Variants in UPB1 observed in about 807,000 individuals in gnomAD.
The protein encoded by UPB1 is beta-ureidopropionase.
A neutral mutation model predicts 49.1 loss-of-function variants in UPB1; 40 were observed. The observed-to-expected ratio is 0.81, with a 90% CI of 0.63 to 1.06. The LOEUF (loss-of-function observed/expected upper bound fraction) is 1.06, where lower values mean the gene tolerates loss of function less well. UPB1 is among the 50% of genes least tolerant of loss of function. The pLI is 0.00. For missense variants in UPB1, 499 were observed against 505.9 expected (o/e 0.99, Z 0.13); for synonymous variants, 207 against 198.2 (o/e 1.04, Z -0.38).
chr22:24,520,582 C>CTGG (rs1265349897), intron 7 of UPB1, 114 bp downstream of exon 7: 8 of 1,197,262 alleles, frequency 6.7e-6, no homozygotes, highest in Non-Finnish European at 9.6e-6. Context: ...AGGGGTAAAA[C>CTGG]TGGCTTGGTC....
chr22:24,511,612 A>ATTTTTTT (rs201206994), intron 4 of UPB1, among the ~76,000 whole-genome samples: 17 of 90,684 alleles, frequency 1.9e-4, no homozygotes, highest in African/African-American at 2.7e-4. Flanking sequence ...ATATATATAT[A>ATTTTTTT]TATATATTTT....
intron 5 of UPB1, 120 bp downstream of exon 5, chr22:24,513,605 C>G (rs1361494836): frequency 2.2e-6 from 3 of 1,378,840 alleles, no homozygotes; most frequent in East Asian, 5.0e-5. Flanking sequence ...GTCACGTACA[C>G]TCCACGGGAG....
intron 3 of UPB1, among the ~76,000 whole-genome samples, chr22:24,509,652 C>T (rs534148163): frequency 6.6e-6 from 1 of 152,304 alleles, no homozygotes; most frequent in East Asian, 1.9e-4. Flanking sequence ...AATGGAGCTC[C>T]TGCCACCCTG....
intron 1 of UPB1, among the ~76,000 whole-genome samples, chr22:24,496,416 C>CACACACACAT (rs1555883981): frequency 5.2e-4 from 76 of 144,790 alleles, no homozygotes; most frequent in African/African-American, 2.1e-3. Context: ...CACACACACA[C>CACACACACAT]ACACACACAC....
intron 4 of UPB1, 112 bp downstream of exon 4, chr22:24,510,955 G>C (rs747513156): frequency 7.3e-6 from 8 of 1,095,352 alleles, no homozygotes; most frequent in Non-Finnish European, 9.7e-6. Flanking sequence ...CCCATTTGGT[G>C]CTTGTTTTGC....
chr22:24,500,585 C>T (rs1244090634), intron 2 of UPB1, among the ~76,000 whole-genome samples: 3 of 152,232 alleles, frequency 2.0e-5, no homozygotes, highest in Admixed American at 6.5e-5. Flanking sequence ...GTGCTCTCCA[C>T]GGGACGCTGC....
At chr22:24,516,013 A>AC (rs1283973050) in intron 6 of UPB1, among the ~76,000 whole-genome samples, 1 of 151,706 alleles carries the variant, frequency 6.6e-6, no homozygotes, top group Admixed American at 6.6e-5. Context: ...ACAAAAAAGA[A>AC]CCCCCACATC....
intron 4 of UPB1, among the ~76,000 whole-genome samples, chr22:24,511,486 TC>T (rs1175487509): frequency 1.3e-5 from 2 of 152,030 alleles, no homozygotes; most frequent in Non-Finnish European, 2.9e-5. Context: ...TCTGTGAATA[TC>T]CTGAATACTA....
chr22:24,511,193 A>G (rs2044194477), intron 4 of UPB1, among the ~76,000 whole-genome samples: 1 of 152,202 alleles, frequency 6.6e-6, no homozygotes, highest in South Asian at 2.1e-4. Context: ...TGCATGCTCC[A>G]CTGCAGTTTG....
intron 2 of UPB1, 77 bp from the exon 3 acceptor site, chr22:24,502,048 CA>C: frequency 6.9e-7 from 1 of 1,459,028 alleles, no homozygotes; most frequent in Non-Finnish European, 9.6e-7. Flanking sequence ...TTGATTTTTC[CA>C]TATGCATTAG....
intron 1 of UPB1, among the ~76,000 whole-genome samples, chr22:24,495,903 T>G (rs924689217): frequency 7.9e-5 from 12 of 152,136 alleles, no homozygotes; most frequent in Non-Finnish European, 1.5e-4. Flanking sequence ...CCATCCTTCT[T>G]GCGGTGACCC....
chr22:24,518,441 T>C (rs1464862540), intron 6 of UPB1: 4 of 152,224 alleles, frequency 2.6e-5, no homozygotes, highest in African/African-American at 9.7e-5. Flanking sequence ...GGAGTGTGGA[T>C]AAAAGGCAAC....
intron 1 of UPB1, among the ~76,000 whole-genome samples, chr22:24,498,777 C>T (rs2043936517): frequency 6.6e-6 from 1 of 152,162 alleles, no homozygotes; most frequent in African/African-American, 2.4e-5. Flanking sequence ...AGACCACAGG[C>T]TGAGAGGCCA....
rs150951305 is a variant in UPB1 at position 24,497,076 on chromosome 22, C to T, written c.104+1569C>T. On this transcript the variant is annotated intron_variant, in intron 1 of 9. Transcript: ENST00000326010. ...CCCCTATCTCCCTTCTGTTTTTCAA[C>T]GGGAGAGACTCTTTAACAGCTTCAG... 5.3e-5 allele frequency among the ~76,000 whole-genome samples: 8 copies of T among 152,192 alleles called. No homozygotes were observed. In the East Asian group the frequency reaches 7.7e-4, roughly 15 times the overall value.
chr22:24,520,373 G>A lies in UPB1; in HGVS notation c.792-14G>A. 5 of 1,613,934 alleles carry A rather than the reference G, an allele frequency of 3.1e-6. No homozygotes were observed. Among genetic ancestry groups the A allele is most frequent in the South Asian group, 1.1e-5 (1 of 91,032 alleles). On this transcript the variant is annotated splice_polypyrimidine_tract_variant and intron_variant, in intron 6 of 9. Coordinates refer to ENST00000326010, the MANE Select transcript of UPB1 (RefSeq NM_016327.3). ...AAAGTCGGCAACCTGGTTCCTCTTG[G>A]TCCTCTCTTACAGCGAGTCCCTGTG...
At chr22:24,509,361 G>GAAAAAAA (rs202081655) in intron 3 of UPB1, among the ~76,000 whole-genome samples, 5 of 92,154 alleles carry the variant, frequency 5.4e-5, no homozygotes, top group East Asian at 6.6e-4. Context: ...CCTACTGTTT[G>GAAAAAAA]AAAAAAAAAA....
intron 6 of UPB1, 21 bp downstream of exon 6, chr22:24,515,391 T>TG (rs755500357): frequency 1.2e-6 from 2 of 1,613,952 alleles, no homozygotes; most frequent in East Asian, 4.5e-5. Context: ...TGGTGGGGTC[T>TG]GGGGGGCTTC....
chr22:24,510,324 G>T (rs1358202744), intron 3 of UPB1, among the ~76,000 whole-genome samples: 1 of 151,990 alleles, frequency 6.6e-6, no homozygotes, highest in East Asian at 1.9e-4. Context: ...ATTCTTAAAG[G>T]TTCATCCATG....
chr22:24,515,981 TAAAAC>T (rs56302601), intron 6 of UPB1, among the ~76,000 whole-genome samples: 6,558 of 151,888 alleles, frequency 0.043, 331 homozygotes, highest in South Asian at 0.13. Flanking sequence ...TCTCAAAAAA[TAAAAC>T]AAAACAAAAC....
Sources: gnomAD v4.1 joint callset for allele counts (sites outside exome capture counted in the v4.1 genomes callset) on GRCh38, gnomAD v4.1.1 for gene constraint, MANE v1.5 for transcripts, NCBI Gene and HGNC (gene_info 2026-07-23, HGNC 2026-07-21) for gene names.